NNT: variants seen among roughly 807,000 people sequenced by gnomAD.
NNT encodes nicotinamide nucleotide transhydrogenase.
In NNT, 50 loss-of-function variants were observed where a neutral mutation model predicts 104.8. That is an observed-to-expected ratio of 0.48 (90% CI 0.38 to 0.60). The LOEUF (loss-of-function observed/expected upper bound fraction) is 0.60, where lower values mean the gene tolerates loss of function less well. NNT is among the 20% of genes least tolerant of loss of function. NNT has a pLI of 0.00. For synonymous variants in NNT, 461 were observed against 490.4 expected, an observed-to-expected ratio of 0.94 and a Z score of 0.79; for missense variants, 1,131 against 1,330.7, an observed-to-expected ratio of 0.85 and a Z score of 2.33.
chr5:43,632,379 A>G (rs1750717973), intron 7 of NNT, among the ~76,000 whole-genome samples: 1 of 152,248 alleles, frequency 6.6e-6, no homozygotes, highest in African/African-American at 2.4e-5. Context: ...GTTGAGAGGC[A>G]GACACAGGTA....
chr5:43,652,978 A>G (rs1314311826), intron 13 of NNT, 40 bp from the exon 14 acceptor site: 1 of 1,532,080 alleles, frequency 6.5e-7, no homozygotes, highest in Non-Finnish European at 8.9e-7. Flanking sequence ...TAATAGACCA[A>G]AGGTTTTAAT....
At chr5:43,673,389 G>A (rs1741235075) in intron 17 of NNT, among the ~76,000 whole-genome samples, 3 of 152,182 alleles carry the variant, frequency 2.0e-5, no homozygotes, top group African/African-American at 4.8e-5. Flanking sequence ...GCTGGTAGCT[G>A]TAGACTGGAG....
At chr5:43,617,714 A>G (rs1379802442) in intron 4 of NNT, among the ~76,000 whole-genome samples, 3 of 151,994 alleles carry the variant, frequency 2.0e-5, no homozygotes, top group African/African-American at 7.3e-5. Flanking sequence ...TTTATTATTT[A>G]TTTTTCAGAA....
chr5:43,619,154 C>A (rs200501451), intron 5 of NNT, 35 bp downstream of exon 5: 4 of 1,280,522 alleles, frequency 3.1e-6, no homozygotes, highest in South Asian at 3.3e-5. Flanking sequence ...TTATAATATG[C>A]ATTGATTAAA....
At chr5:43,660,820 T>A (rs1162214901) in intron 17 of NNT, among the ~76,000 whole-genome samples, 5 of 152,160 alleles carry the variant, frequency 3.3e-5, no homozygotes, top group Non-Finnish European at 5.9e-5. Flanking sequence ...TCAGCCCCCA[T>A]AATCCATCAC....
intron 19 of NNT, among the ~76,000 whole-genome samples, chr5:43,686,259 A>G (rs901576411): frequency 1.3e-5 from 2 of 151,412 alleles, no homozygotes; most frequent in African/African-American, 4.8e-5. Context: ...TTTTGCTTCA[A>G]GATATTGAAG....
intron 4 of NNT, among the ~76,000 whole-genome samples, chr5:43,617,530 T>C (rs1047755190): frequency 2.0e-5 from 3 of 152,188 alleles, no homozygotes; most frequent in African/African-American, 7.2e-5. Context: ...CCATACAATG[T>C]ATGATAAATC....
Position 43,675,461 on chromosome 5 carries a change from C to T in NNT, c.2635-50C>T, listed in dbSNP as rs1182329815. On this transcript the variant is annotated intron_variant, in intron 17 of 21. Transcript: ENST00000344920. ...ATATACACAACATTTGTACTATTCT[C>T]ACAAAGTTATGTGTGTTAAACTCTC... The T allele has an allele frequency of 6.5e-6, 10 of 1,528,964 alleles. No individual in the cohort carries two copies. In the East Asian group the frequency reaches 1.2e-4, roughly 18 times the overall value. 94.7% of individuals were successfully genotyped at this position (1,528,964 alleles called of 1,614,324 possible). A position where few individuals can be genotyped will look rare whatever the true frequency, so the allele number is the denominator to read the frequency against.
At chr5:43,666,205 G>A (rs1200242065) in intron 17 of NNT, among the ~76,000 whole-genome samples, 1 of 152,192 alleles carries the variant, frequency 6.6e-6, no homozygotes, top group Non-Finnish European at 1.5e-5. Flanking sequence ...GCAGGGCAGA[G>A]GCTGCAATCT....
intron 19 of NNT, among the ~76,000 whole-genome samples, chr5:43,692,862 T>C (rs1742361994): frequency 6.6e-6 from 1 of 152,224 alleles, no homozygotes; most frequent in South Asian, 2.1e-4. Flanking sequence ...CAAATAACTT[T>C]CTTATTTTTA....
At chr5:43,683,226 A>T (rs1741814501) in intron 19 of NNT, among the ~76,000 whole-genome samples, 1 of 152,212 alleles carries the variant, frequency 6.6e-6, no homozygotes, top group South Asian at 2.1e-4. Context: ...AACCAAAGAA[A>T]GTATGTGCAT....
At chr5:43,679,914 A>T (rs1020686168) in intron 19 of NNT, among the ~76,000 whole-genome samples, 2 of 151,832 alleles carry the variant, frequency 1.3e-5, no homozygotes, top group Non-Finnish European at 2.9e-5. Flanking sequence ...GGATCAGAAT[A>T]AGATTATTAA....
At chr5:43,670,454 T>A (rs1561308649) in intron 17 of NNT, among the ~76,000 whole-genome samples, 2 of 152,244 alleles carry the variant, frequency 1.3e-5, no homozygotes, top group African/African-American at 2.4e-5. Context: ...CTGCTTTGAA[T>A]GTGTCCCAGA....
chr5:43,645,126 C>G, intron 9 of NNT, among the ~76,000 whole-genome samples: 1 of 151,996 alleles, frequency 6.6e-6, no homozygotes, highest in Non-Finnish European at 1.5e-5. Flanking sequence ...CTTATATGGT[C>G]CTGTACACAT....
intron 2 of NNT, among the ~76,000 whole-genome samples, chr5:43,610,153 G>A (rs78539141): frequency 0.051 from 7,718 of 151,186 alleles, 327 homozygotes; most frequent in African/African-American, 0.12. Context: ...CAGGCCAGAA[G>A]GAGGAGAGGC....
chr5:43,659,454 G>A (rs914050081), intron 17 of NNT, 104 bp downstream of exon 17: 2 of 1,024,654 alleles, frequency 2.0e-6, no homozygotes, highest in African/African-American at 3.2e-5. Flanking sequence ...TTGTAGGCTG[G>A]GCATGGTAGC....
intron 19 of NNT, among the ~76,000 whole-genome samples, chr5:43,687,501 G>T (rs1376844926): frequency 1.3e-5 from 2 of 152,078 alleles, no homozygotes; most frequent in Admixed American, 6.6e-5. Flanking sequence ...TTGGGGATTA[G>T]CCTGTTACAT....
At position 43,650,486 on chromosome 5, in the gene NNT, C is replaced by T. The variant is rs1739698594; in HGVS notation, c.1616C>T (p.Ala539Val). Residue 539 changes from alanine to valine, a missense_variant, in exon 12 of 22, where the codon GCA (alanine) becomes GTA (valine). Ala to Val is a moderately conservative substitution (Grantham distance 64). Coordinates refer to ENST00000344920, the MANE Select transcript of NNT (RefSeq NM_182977.3). ...SVTNAISGLT[A>V]VGGLALMGGH... is the part of the protein sequence containing the mutation. ...AATGCTTTCTTTCTAGGGCTGACTG[C>T]AGTTGGTGGGTTGGCACTGATGGGA... 6.2e-7 allele frequency: 1 copy of T among 1,613,288 alleles called. No individual in the cohort carries two copies. The highest frequency in any genetic ancestry group is 1.3e-5 in the African/African-American group (1 of 74,868).
chr5:43,649,419 A>C (rs973557276), intron 11 of NNT, 111 bp downstream of exon 11: 28 of 1,210,774 alleles, frequency 2.3e-5, no homozygotes, highest in Non-Finnish European at 2.8e-5. Context: ...TTTGCTTGGC[A>C]TCTGAGTCAT....
Sources: allele counts gnomAD v4.1 joint callset (sites outside exome capture counted in the v4.1 genomes callset), GRCh38; gene constraint gnomAD v4.1.1; transcripts MANE v1.5; gene names NCBI Gene and HGNC (gene_info 2026-07-23, HGNC 2026-07-21).